EPHB1: variants seen among roughly 807,000 people sequenced by gnomAD.
The protein encoded by EPHB1 is ephrin type-B receptor 1.
A neutral mutation model predicts 94.4 loss-of-function variants in EPHB1; 30 were observed. That is an observed-to-expected ratio of 0.32 (90% CI 0.24 to 0.43). The LOEUF (loss-of-function observed/expected upper bound fraction) is 0.43, where lower values mean the gene tolerates loss of function less well. Ranked by LOEUF, EPHB1 falls within the 20% of genes least tolerant of loss-of-function variation. The probability of loss-of-function intolerance (pLI) is 1.00; values close to 1 mark genes in which losing one functional copy is unlikely to be tolerated. For missense variants in EPHB1, 1,055 were observed against 1,308.3 expected, an observed-to-expected ratio of 0.81 and a Z score of 2.99; for synonymous variants, 522 against 489.1, an observed-to-expected ratio of 1.07 and a Z score of -0.89.
intron 10 of EPHB1, among the ~76,000 whole-genome samples, chr3:135,182,859 C>A (rs1490699705): frequency 6.6e-6 from 1 of 152,146 alleles, no homozygotes; most frequent in Non-Finnish European, 1.5e-5. Flanking sequence ...TGTTTAGTGA[C>A]ACCATGTTGG....
intron 2 of EPHB1, among the ~76,000 whole-genome samples, chr3:134,947,869 A>C (rs941467029): frequency 6.6e-6 from 1 of 152,146 alleles, no homozygotes; most frequent in African/African-American, 2.4e-5. Context: ...AGCATGGCTT[A>C]CTGCAGCCCC....
intron 6 of EPHB1, among the ~76,000 whole-genome samples, chr3:135,161,157 C>T (rs182359623): frequency 6.6e-6 from 1 of 152,096 alleles, no homozygotes; most frequent in Non-Finnish European, 1.5e-5. Context: ...TAAGGGCACT[C>T]ACGATGAGAA....
At chr3:134,870,302 TA>T (rs1197016464) in intron 1 of EPHB1, among the ~76,000 whole-genome samples, 1 of 152,080 alleles carries the variant, frequency 6.6e-6, no homozygotes, top group Non-Finnish European at 1.5e-5. Flanking sequence ...GCAGAGTTCA[TA>T]AGGTCAGGGT....
chr3:135,133,396 A>G (rs1037309850), intron 5 of EPHB1, among the ~76,000 whole-genome samples: 2 of 152,216 alleles, frequency 1.3e-5, no homozygotes, highest in Non-Finnish European at 2.9e-5. Context: ...TGAGTGGACA[A>G]ACAGAGGATT....
At chr3:135,095,060 G>A (rs1383000688) in intron 3 of EPHB1, among the ~76,000 whole-genome samples, 1 of 152,144 alleles carries the variant, frequency 6.6e-6, no homozygotes, top group Non-Finnish European at 1.5e-5. Flanking sequence ...CCTAGTCTCT[G>A]AGTGAGACTC....
chr3:135,094,228 G>T (rs139997810), intron 3 of EPHB1, among the ~76,000 whole-genome samples: 1 of 152,204 alleles, frequency 6.6e-6, no homozygotes, highest in African/African-American at 2.4e-5. Context: ...CTGTGAACCT[G>T]CTCTGTCCCA....
chr3:135,232,839 T>A (rs1233679178), intron 12 of EPHB1, among the ~76,000 whole-genome samples: 1 of 152,124 alleles, frequency 6.6e-6, no homozygotes, highest in East Asian at 1.9e-4. Context: ...TTTCTTCACA[T>A]GGCGGCAGCA....
intron 1 of EPHB1, among the ~76,000 whole-genome samples, chr3:134,858,464 T>G (rs1389759267): frequency 6.6e-6 from 1 of 152,088 alleles, no homozygotes; most frequent in Non-Finnish European, 1.5e-5. Context: ...GGGGTCTCAT[T>G]GATGGCTGGC....
intron 3 of EPHB1, among the ~76,000 whole-genome samples, chr3:135,054,532 A>G (rs1211616207): frequency 6.6e-6 from 1 of 152,170 alleles, no homozygotes; most frequent in Non-Finnish European, 1.5e-5. Context: ...GGGGTGAAGG[A>G]GGCAACTGTC....
At chr3:135,125,422 TCA>T (rs1409898752) in intron 4 of EPHB1, among the ~76,000 whole-genome samples, 3 of 152,280 alleles carry the variant, frequency 2.0e-5, no homozygotes, top group Admixed American at 1.3e-4. Context: ...CTGCAAAATA[TCA>T]CAGCCCTTTC....
chr3:134,995,222 A>G (rs1179164476), intron 3 of EPHB1, among the ~76,000 whole-genome samples: 1 of 152,178 alleles, frequency 6.6e-6, no homozygotes, highest in Non-Finnish European at 1.5e-5. Flanking sequence ...TATAAATGGA[A>G]TCATATGGTA....
At chr3:134,910,644 G>A (rs1385447679) in intron 1 of EPHB1, among the ~76,000 whole-genome samples, 2 of 152,226 alleles carry the variant, frequency 1.3e-5, no homozygotes, top group Admixed American at 6.5e-5. Flanking sequence ...ACAAGAAGGG[G>A]TAGAATGGCA....
At chr3:135,017,972 G>A (rs1283839485) in intron 3 of EPHB1, among the ~76,000 whole-genome samples, 1 of 152,076 alleles carries the variant, frequency 6.6e-6, no homozygotes, top group Admixed American at 6.5e-5. Flanking sequence ...TGGCTGGGGA[G>A]GCAGGCACAT....
intron 3 of EPHB1, among the ~76,000 whole-genome samples, chr3:135,025,199 A>ATATTTATTTATTTATT (rs1205551708): frequency 7.9e-5 from 9 of 114,508 alleles, no homozygotes; most frequent in Non-Finnish European, 1.3e-4. Context: ...GTTACAAAGA[A>ATATTTATTTATTTATT]TATTTATTTA....
At chr3:135,198,769 C>A (rs918589459) in intron 11 of EPHB1, among the ~76,000 whole-genome samples, 2 of 152,152 alleles carry the variant, frequency 1.3e-5, no homozygotes, top group African/African-American at 4.8e-5. Context: ...TGAGCTAGGG[C>A]CTTTCATATG....
intron 3 of EPHB1, among the ~76,000 whole-genome samples, chr3:134,999,124 C>T (rs952146792): frequency 3.9e-5 from 6 of 152,120 alleles, no homozygotes; most frequent in Non-Finnish European, 5.9e-5. Flanking sequence ...TGGTTAATTT[C>T]AGAACCATGA....
chr3:134,962,744 T>C (rs993422817), intron 3 of EPHB1, among the ~76,000 whole-genome samples: 30 of 152,108 alleles, frequency 2.0e-4, no homozygotes, highest in African/African-American at 6.8e-4. Context: ...CTCACCATGT[T>C]GACACCTCCA....
intron 4 of EPHB1, among the ~76,000 whole-genome samples, chr3:135,128,156 T>C (rs1410937211): frequency 6.6e-6 from 1 of 152,218 alleles, no homozygotes; most frequent in Non-Finnish European, 1.5e-5. Context: ...CTGCATTCAC[T>C]GAGGGCTTTT....
intron 1 of EPHB1, among the ~76,000 whole-genome samples, chr3:134,867,091 G>A (rs1310418933): frequency 2.0e-5 from 3 of 152,092 alleles, no homozygotes; most frequent in African/African-American, 7.2e-5. Flanking sequence ...TGGCAGTGCT[G>A]GGAGGGCCAC....
Sources: gnomAD v4.1 joint callset for allele counts (sites outside exome capture counted in the v4.1 genomes callset) on GRCh38, gnomAD v4.1.1 for gene constraint, MANE v1.5 for transcripts, NCBI Gene and HGNC (gene_info 2026-07-23, HGNC 2026-07-21) for gene names.